MGST1: variants seen among roughly 807,000 people sequenced by gnomAD.
The protein encoded by MGST1 is glutathione S-transferase 12.
In MGST1, 5 loss-of-function variants were observed where a neutral mutation model predicts 8.9. The observed-to-expected ratio is 0.56, with a 90% CI of 0.29 to 1.19. The LOEUF (loss-of-function observed/expected upper bound fraction) is 1.19. MGST1 is among the 50% of genes most tolerant of loss of function. MGST1 has a pLI of 0.08. For missense variants in MGST1, 182 were observed against 187.4 expected (o/e 0.97, Z 0.17); for synonymous variants, 54 against 67.8 (o/e 0.80, Z 1.00).
intron 1 of MGST1, among the ~76,000 whole-genome samples, chr12:16,425,500 T>C (rs1940877758): frequency 1.3e-5 from 2 of 152,178 alleles, no homozygotes; most frequent in Non-Finnish European, 2.9e-5. Flanking sequence ...GCCAAGCTGG[T>C]CTCAAACTCC....
intron 1 of MGST1, among the ~76,000 whole-genome samples, chr12:16,405,003 C>T (rs1214810366): frequency 6.6e-6 from 1 of 152,066 alleles, no homozygotes; most frequent in East Asian, 1.9e-4. Flanking sequence ...ATACAACCTA[C>T]CATAATCTCT....
intron 4 of MGST1, among the ~76,000 whole-genome samples, chr12:16,480,548 A>C (rs540320497): frequency 1.3e-5 from 2 of 152,328 alleles, no homozygotes; most frequent in Admixed American, 1.3e-4. Context: ...AGAATGCATA[A>C]AGAACTCTTA....
exon 1 of MGST1, chr12:16,382,852 C>T (rs1268429522): frequency 6.5e-6 from 1 of 153,292 alleles, no homozygotes; most frequent in Non-Finnish European, 1.5e-5. Flanking sequence ...ATGGTGGGCG[C>T]CCCTCCCCCA....
At chr12:16,511,981 G>A (rs1941580085) in intron 4 of MGST1, among the ~76,000 whole-genome samples, 1 of 152,152 alleles carries the variant, frequency 6.6e-6, no homozygotes. Flanking sequence ...GCCATTCAGT[G>A]TTTATGTCAG....
chr12:16,411,361 A>G (rs935492222), intron 1 of MGST1, among the ~76,000 whole-genome samples: 9 of 152,204 alleles, frequency 5.9e-5, no homozygotes, highest in African/African-American at 2.2e-4. Context: ...TGTACGTTAT[A>G]TGGTGAAATC....
chr12:16,515,687 C>A (rs1379448304), intron 4 of MGST1, among the ~76,000 whole-genome samples: 1 of 151,826 alleles, frequency 6.6e-6, no homozygotes, highest in Non-Finnish European at 1.5e-5. Context: ...CTGCTGATCT[C>A]ATACCCTCAC....
chr12:16,399,266 G>A, intron 1 of MGST1: 1 of 1,602,846 alleles, frequency 6.2e-7, no homozygotes, highest in East Asian at 2.2e-5. Context: ...CAGGGCCAAA[G>A]TTCAGAAGTT....
downstream of MGST1, among the ~76,000 whole-genome samples, chr12:16,380,920 T>A (rs1348523369): frequency 5.3e-5 from 8 of 152,192 alleles, no homozygotes; most frequent in Non-Finnish European, 1.0e-4. Flanking sequence ...TCTCTTTTGA[T>A]CTTTGTTGGT....
At chr12:16,592,080 C>T (rs1943510989), downstream of MGST1, among the ~76,000 whole-genome samples, 1 of 151,916 alleles carries the variant, frequency 6.6e-6, no homozygotes, top group Non-Finnish European at 1.5e-5. Context: ...GCTTATTCTT[C>T]ACAAAAGAAA....
intron 4 of MGST1, among the ~76,000 whole-genome samples, chr12:16,581,315 T>C (rs563273023): frequency 1.5e-4 from 23 of 152,280 alleles, no homozygotes; most frequent in African/African-American, 5.1e-4. Flanking sequence ...TTGGGAACTT[T>C]GACTAAATGA....
chr12:16,579,136 G>T (rs1482524327), intron 4 of MGST1, among the ~76,000 whole-genome samples: 5 of 151,366 alleles, frequency 3.3e-5, no homozygotes, highest in African/African-American at 7.3e-5. Flanking sequence ...ATTTTTTTTT[G>T]AAGAGAACAA....
chr12:16,371,425 G>T (rs1215274053), intron 3 of MGST1, among the ~76,000 whole-genome samples: 1 of 152,108 alleles, frequency 6.6e-6, no homozygotes, highest in Non-Finnish European at 1.5e-5. Flanking sequence ...CTTAGGGCTT[G>T]TAAAGAAAGA....
rs867269649 is a variant in MGST1 at position 16,458,913 on chromosome 12, G to C, written n.482+75309G>C. On this transcript the variant is annotated intron_variant and non_coding_transcript_variant, in intron 4 of 4. Transcript: ENST00000538857. The surrounding 1 kb of genome is among the most constrained non-coding windows in gnomAD (Gnocchi z 4.0). ...TATATGACCTATCCTGCTGAGCTGA[G>C]AGCAGGGAATTCTTACAGAAATCTA... Among the ~76,000 whole-genome samples, 3 of 152,016 alleles carry C rather than the reference G, an allele frequency of 2.0e-5. No homozygotes were observed. The highest frequency in any genetic ancestry group is 4.4e-5 in the Non-Finnish European group (3 of 67,986).
In MGST1 at chr12:16,363,979, G is replaced by A. The variant is rs11555873; in HGVS notation, c.406G>A (p.Val136Ile). The A allele has an allele frequency of 3.8e-5, 61 of 1,613,678 alleles. No individual in the cohort carries two copies. Among genetic ancestry groups the A allele is most frequent in the Non-Finnish European group, 4.7e-5 (56 of 1,179,850 alleles). The change falls in exon 4 of 4, where the codon GTT (valine) becomes ATT (isoleucine). Residue 136 changes from valine to isoleucine, a missense_variant. Physicochemically the swap from Val to Ile is conservative, Grantham distance 29. Coordinates refer to ENST00000396210, the MANE Select transcript of MGST1 (RefSeq NM_020300.5). The surrounding 1 kb of genome is among the most constrained non-coding windows in gnomAD (Gnocchi z 4.6). Reference protein sequence around the residue: ...PQPNRALSFFVGYGVTLSMAY... With the variant: ...PQPNRALSFFIGYGVTLSMAY... ...GCCAAATAGAGCTTTGAGTTTTTTT[G>A]TTGGATATGGAGTTACTCTTTCCAT... is the stretch of plus-strand genomic sequence containing the variant.
intron 1 of MGST1, among the ~76,000 whole-genome samples, chr12:16,408,659 A>G (rs1222251257): frequency 6.6e-6 from 1 of 152,016 alleles, no homozygotes; most frequent in Non-Finnish European, 1.5e-5. Context: ...AGATTTTCGT[A>G]TTTGTGTTTT....
At chr12:16,450,309 T>G (rs1210097641) in intron 4 of MGST1, among the ~76,000 whole-genome samples, 1 of 151,936 alleles carries the variant, frequency 6.6e-6, no homozygotes, top group Non-Finnish European at 1.5e-5. Flanking sequence ...GCAATATGTT[T>G]CCCTGAGTGC....
At chr12:16,477,106 T>TA (rs1941328831) in intron 4 of MGST1, among the ~76,000 whole-genome samples, 1 of 152,246 alleles carries the variant, frequency 6.6e-6, no homozygotes, top group Non-Finnish European at 1.5e-5. Flanking sequence ...GGAAGAAAGA[T>TA]ACTATTCAAA....
chr12:16,525,856 T>C (rs750021121), intron 4 of MGST1, among the ~76,000 whole-genome samples: 4,254 of 151,108 alleles, frequency 0.028, 53 homozygotes, highest in Admixed American at 0.067. Flanking sequence ...TGAGATGGTA[T>C]CTCATTGTGG....
chr12:16,553,766 A>G (rs1310069603), intron 4 of MGST1, among the ~76,000 whole-genome samples: 1 of 152,052 alleles, frequency 6.6e-6, no homozygotes, highest in Non-Finnish European at 1.5e-5. Flanking sequence ...AGCAATACAG[A>G]TAGTATGTAT....
Sources: allele counts gnomAD v4.1 joint callset (sites outside exome capture counted in the v4.1 genomes callset), GRCh38; gene constraint gnomAD v4.1.1; non-coding constraint Gnocchi (gnomAD v3.1); transcripts MANE v1.5; gene names NCBI Gene and HGNC (gene_info 2026-07-23, HGNC 2026-07-21).